GALK1: variants seen among roughly 807,000 people sequenced by gnomAD.
The protein encoded by GALK1 is galactokinase.
GALK1 carries 30 observed loss-of-function variants against 38.6 expected under a neutral mutation model. The observed-to-expected ratio is 0.78, with a 90% CI of 0.58 to 1.05. The LOEUF (loss-of-function observed/expected upper bound fraction) is 1.05. Among genes scored for constraint, GALK1 ranks in the 50% least tolerant of loss-of-function variants. The pLI, the probability that GALK1 is intolerant of heterozygous loss-of-function variation, is 0.00. For missense variants in GALK1, 512 were observed against 540.5 expected, an observed-to-expected ratio of 0.95 and a Z score of 0.52; for synonymous variants, 240 against 233.6, an observed-to-expected ratio of 1.03 and a Z score of -0.25.
At chr17:75,758,973 G>T (rs2061572280) in intron 5 of GALK1, among the ~76,000 whole-genome samples, 2 of 152,200 alleles carry the variant, frequency 1.3e-5, no homozygotes, top group South Asian at 4.1e-4. Flanking sequence ...CCAGGGACCA[G>T]CAGGCTGTCC....
At chr17:75,761,718 T>C (rs1178206194) in intron 5 of GALK1, among the ~76,000 whole-genome samples, 2 of 132,442 alleles carry the variant, frequency 1.5e-5, no homozygotes, top group Non-Finnish European at 3.3e-5. Flanking sequence ...ATGTTTAGTT[T>C]AAAAAAAAAA....
downstream of GALK1, chr17:75,754,790 C>T (rs2061449498): frequency 1.2e-6 from 2 of 1,614,126 alleles, no homozygotes; most frequent in East Asian, 4.5e-5. Context: ...GGGACTACTC[C>T]ACCCTCACCT....
downstream of GALK1, chr17:75,753,931 G>A (rs1203056316): frequency 2.3e-6 from 3 of 1,283,964 alleles, no homozygotes; most frequent in Non-Finnish European, 2.9e-6. Context: ...CGGGCGGGAA[G>A]GGCGGCAGCC....
rs1321214794 is a variant in GALK1, at chr17:75,763,040, T to C, written c.585A>G (p.Lys195=). 3 of 1,613,088 alleles carry C rather than the reference T, an allele frequency of 1.9e-6. No homozygotes were observed. The highest frequency in any genetic ancestry group is 2.2e-5 in the East Asian group (1 of 44,892). ...MDQFISLMGQ[K]GHALLIDCRS... ...TGCAGTCAATGAGCAGCGCGTGGCC[T>C]TTCTGTCCCATAAGTGAGATGAACT... Residue 195 remains lysine, a synonymous_variant, in exon 4 of 8, where the codon AAA becomes AAG. Transcript: ENST00000588479.
chr17:75,754,820 GT>G (rs2061450655), downstream of GALK1: 25 of 1,613,910 alleles, frequency 1.5e-5, no homozygotes, highest in Non-Finnish European at 2.0e-5. Flanking sequence ...CCCACGGTGA[GT>G]GACCTCAGCC....
chr17:75,751,666 A>C, exon 9 of GALK1: 1 of 217,972 alleles, frequency 4.6e-6, no homozygotes, highest in South Asian at 6.5e-5. Flanking sequence ...ACTTGAACCC[A>C]GAAGGCGCAG....
chr17:75,757,359 A>G (rs73352105), downstream of GALK1: 17,591 of 1,612,674 alleles, frequency 0.011, 247 homozygotes, highest in African/African-American at 0.063. Context: ...ACAGGGAGCT[A>G]GCAGAGGGAG....
At chr17:75,752,555 G>T (rs753588810) in intron 8 of GALK1, 1 of 1,613,478 alleles carries the variant, frequency 6.2e-7, no homozygotes, top group Non-Finnish European at 8.5e-7. Context: ...GCAGCCAGAG[G>T]CCCAGCGTCT....
Position 75,763,347 on chromosome 17 carries a change from A to T in GALK1, c.448T>A (p.Tyr150Asn), listed in dbSNP as rs905165111. Residue 150 changes from tyrosine (Y) to asparagine (N), a missense_variant, in exon 3 of 8, where the codon TAC becomes AAC. Physicochemically the swap from Tyr to Asn is moderately radical, Grantham distance 143 (BLOSUM62 -2). Coordinates refer to ENST00000588479, the MANE Select transcript of GALK1 (RefSeq NM_000154.2). ...GGACAGAGCTGCTGGAGGAAGGTGT[A>T]CGTGGCCACTTCCAAGGATGCTGAG... ...SSSASLEVATYTFLQQLCPDS... is the reference protein window; with the variant it reads ...SSSASLEVATNTFLQQLCPDS... 4 of 1,613,840 alleles carry T rather than the reference A, an allele frequency of 2.5e-6. No homozygotes were observed. The highest frequency in any genetic ancestry group is 3.4e-6 in the Non-Finnish European group (4 of 1,179,978).
intron 8 of GALK1, chr17:75,752,063 C>T (rs2061378559): frequency 1.6e-6 from 2 of 1,223,758 alleles, no homozygotes; most frequent in African/African-American, 1.5e-5. Context: ...CCTTGCTTCC[C>T]CAGCCCCTGG....
chr17:75,756,631 C>G, downstream of GALK1: 1 of 1,612,846 alleles, frequency 6.2e-7, no homozygotes, highest in South Asian at 1.1e-5. Flanking sequence ...AGTTGCCTCC[C>G]CCAGCCCCAG....
At position 75,763,993 on chromosome 17, in the gene GALK1, G is replaced by T. The variant is rs774867225; in HGVS notation, c.259C>A (p.Arg87=). ...TTSEGADEPQ[R]LQFPLPTAQR... Reference sequence around the variant, plus strand: ...GCTGTGGGCAGTGGAAACTGCAGCCGCTGGGGCTCATCGGCACCCTCAGAG... The same window carrying T: ...GCTGTGGGCAGTGGAAACTGCAGCCTCTGGGGCTCATCGGCACCCTCAGAG... Residue 87 remains arginine, a synonymous_variant, in exon 2 of 8, where the codon CGG becomes AGG. Transcript: ENST00000588479. 1 of 1,611,728 alleles carries T rather than the reference G, an allele frequency of 6.2e-7. No homozygotes were observed. The highest frequency in any genetic ancestry group is 1.1e-5 in the South Asian group (1 of 90,828).
chr17:75,760,022 A>C (rs565592907), intron 5 of GALK1, among the ~76,000 whole-genome samples: 1 of 152,312 alleles, frequency 6.6e-6, no homozygotes, highest in South Asian at 2.1e-4. Context: ...ATGAGCTAAT[A>C]TTGATAATGA....
At chr17:75,764,216 C>A in intron 1 of GALK1, 130 bp from the exon 2 acceptor site, 1 of 934,642 alleles carries the variant, frequency 1.1e-6, no homozygotes, top group Non-Finnish European at 1.7e-6. Flanking sequence ...TTCAGCGTCG[C>A]AGGGAAGATC....
At chr17:75,756,582 A>G, downstream of GALK1, 12 of 1,612,988 alleles carry the variant, frequency 7.4e-6, no homozygotes, top group Non-Finnish European at 1.0e-5. Flanking sequence ...ATTGAATCCC[A>G]GGTGCACCCG....
intron 5 of GALK1, among the ~76,000 whole-genome samples, chr17:75,759,350 C>T (rs865895231): frequency 3.3e-4 from 50 of 151,848 alleles, no homozygotes; most frequent in Middle Eastern, 3.4e-3. Flanking sequence ...ATTGCTTGAA[C>T]CTGGGAGGCG....
At chr17:75,757,523 A>G (rs531376095), downstream of GALK1, 1 of 1,613,270 alleles carries the variant, frequency 6.2e-7, no homozygotes, top group Admixed American at 1.7e-5. Context: ...AACCCTTAGC[A>G]CCCACATGGA....
chr17:75,757,225 T>C, downstream of GALK1: 2 of 1,612,008 alleles, frequency 1.2e-6, no homozygotes, highest in Non-Finnish European at 1.7e-6. Flanking sequence ...TGGGCAGCCG[T>C]GCCGGGCTCT....
downstream of GALK1, chr17:75,756,547 C>T (rs1568387123): frequency 6.2e-7 from 1 of 1,613,270 alleles, no homozygotes; most frequent in Non-Finnish European, 8.5e-7. Context: ...AAGGCTGGGG[C>T]CGAGAGCGTG....
Sources: allele counts gnomAD v4.1 joint callset (sites outside exome capture counted in the v4.1 genomes callset), GRCh38; gene constraint gnomAD v4.1.1; transcripts MANE v1.5; gene names NCBI Gene and HGNC (gene_info 2026-07-23, HGNC 2026-07-21).